The following PTPRD variants were observed in gnomAD, a reference collection of about 807,000 sequenced individuals.
PTPRD encodes the protein receptor-type tyrosine-protein phosphatase delta.
PTPRD carries 34 observed loss-of-function variants against 214.5 expected under a neutral mutation model. The ratio of observed to expected loss-of-function variants is 0.16; its 90% CI spans 0.12 to 0.21. The LOEUF is 0.21. Among genes scored for constraint, PTPRD ranks in the 10% least tolerant of loss-of-function variants. The pLI, the probability that PTPRD is intolerant of heterozygous loss-of-function variation, is 1.00. For synonymous variants in PTPRD, 1,128 were observed against 845.7 expected (o/e 1.33, Z -5.79); for missense variants, 2,545 against 2,398.7 (o/e 1.06, Z -1.27).
chr9:8,473,585 A>T (rs1473828161), intron 30 of PTPRD, among the ~76,000 whole-genome samples: 1 of 152,178 alleles, frequency 6.6e-6, no homozygotes, highest in Non-Finnish European at 1.5e-5. Context: ...TCAGAGTGCT[A>T]CCATTGTCCT....
At chr9:8,377,127 C>T (rs899966265) in intron 37 of PTPRD, among the ~76,000 whole-genome samples, 3 of 151,996 alleles carry the variant, frequency 2.0e-5, no homozygotes, top group Non-Finnish European at 4.4e-5. Context: ...GTTACTTCAT[C>T]AAGATTTAAA....
At chr9:9,562,208 A>C (rs2083149312) in intron 8 of PTPRD, among the ~76,000 whole-genome samples, 2 of 152,162 alleles carry the variant, frequency 1.3e-5, no homozygotes, top group South Asian at 4.2e-4. Flanking sequence ...TCAAATCCCC[A>C]AGCCATCCTT....
chr9:9,000,214 G>A (rs140221573), intron 11 of PTPRD, among the ~76,000 whole-genome samples: 1 of 152,156 alleles, frequency 6.6e-6, no homozygotes, highest in African/African-American at 2.4e-5. Flanking sequence ...CACTCCAGAT[G>A]CACATCCTTT....
intron 4 of PTPRD, among the ~76,000 whole-genome samples, chr9:9,942,784 A>T (rs1000144724): frequency 6.6e-6 from 1 of 152,122 alleles, no homozygotes; most frequent in African/African-American, 2.4e-5. Context: ...ATTTGTTAAT[A>T]GCTTTGCCAT....
chr9:9,744,717 A>C (rs1171685734), intron 6 of PTPRD, among the ~76,000 whole-genome samples: 1 of 152,058 alleles, frequency 6.6e-6, no homozygotes, highest in African/African-American at 2.4e-5. Context: ...CAAATTAATG[A>C]AGAACAGAAA....
chr9:9,916,977 AG>A (rs2081025929), intron 5 of PTPRD, among the ~76,000 whole-genome samples: 1 of 151,908 alleles, frequency 6.6e-6, no homozygotes. Context: ...TGTAGGAAAA[AG>A]TTAAGAATGA....
At chr9:8,819,897 G>C (rs554780578) in intron 11 of PTPRD, among the ~76,000 whole-genome samples, 3 of 152,064 alleles carry the variant, frequency 2.0e-5, no homozygotes, top group African/African-American at 4.8e-5. Flanking sequence ...TGTTCTCCTT[G>C]TCCACACAAT....
chr9:9,091,745 C>A (rs2099776371), intron 10 of PTPRD, among the ~76,000 whole-genome samples: 1 of 152,144 alleles, frequency 6.6e-6, no homozygotes, highest in South Asian at 2.1e-4. Flanking sequence ...ACAGAACCAG[C>A]CAATATAGTA....
At chr9:8,384,334 T>C (rs1035321264) in intron 37 of PTPRD, among the ~76,000 whole-genome samples, 5 of 152,082 alleles carry the variant, frequency 3.3e-5, no homozygotes, top group African/African-American at 9.7e-5. Flanking sequence ...TCTAGGGAAC[T>C]AGAATGACTT....
intron 2 of PTPRD, among the ~76,000 whole-genome samples, chr9:10,590,342 A>T (rs150077632): frequency 0.012 from 1,885 of 152,144 alleles, 29 homozygotes; most frequent in African/African-American, 0.042. Context: ...TATAATTTAT[A>T]TACAATTAAA....
chr9:8,537,358 T>G lies in PTPRD; in HGVS notation c.353-8579A>C, dbSNP rs953828352. 6.6e-5 allele frequency among the ~76,000 whole-genome samples: 10 copies of G among 151,956 alleles called. No homozygotes were observed. In the East Asian group the frequency reaches 1.9e-3, roughly 29 times the overall value. ...ATAAAGCAGAAAAAAAAACTGACAGTTAATACATGACATTCCAAATGGAAC... is the reference window on the plus strand; with the variant it reads ...ATAAAGCAGAAAAAAAAACTGACAGGTAATACATGACATTCCAAATGGAAC... On this transcript the variant is annotated intron_variant, in intron 14 of 45. Transcript: ENST00000381196.
intron 2 of PTPRD, among the ~76,000 whole-genome samples, chr9:10,421,324 T>C (rs940764710): frequency 6.6e-6 from 1 of 151,878 alleles, no homozygotes; most frequent in African/African-American, 2.4e-5. Flanking sequence ...CACACACTCA[T>C]GTTTATTCTT....
At chr9:8,553,305 G>T (rs2140898126) in intron 14 of PTPRD, among the ~76,000 whole-genome samples, 1 of 152,274 alleles carries the variant, frequency 6.6e-6, no homozygotes. Flanking sequence ...ACCCTCTACG[G>T]AAGCAGAAAA....
intron 7 of PTPRD, among the ~76,000 whole-genome samples, chr9:9,595,419 T>A (rs554199561): frequency 6.7e-6 from 1 of 149,044 alleles, no homozygotes; most frequent in East Asian, 2.0e-4. Context: ...TATATACAAA[T>A]GTACACATAT....
In PTPRD at chr9:9,906,224, A is replaced by G. The variant is rs541905981; in HGVS notation, c.-368+32283T>C. On this transcript the variant is annotated intron_variant, in intron 5 of 45. Coordinates refer to ENST00000381196, the MANE Select transcript of PTPRD (RefSeq NM_002839.4). ...TAAAGTACAACCAGTTTCATGACAT[A>G]TTTGTTATAAAATATTAAGGAAAGA... Among the ~76,000 whole-genome samples the G allele has an allele frequency of 5.3e-5, 8 of 152,080 alleles. No homozygotes were observed. The South Asian group carries it at 1.4e-3, about 28-fold the overall frequency.
chr9:8,896,494 T>C (rs566785291), intron 11 of PTPRD, among the ~76,000 whole-genome samples: 14 of 152,294 alleles, frequency 9.2e-5, no homozygotes, highest in African/African-American at 3.4e-4. Context: ...CAATGATGAA[T>C]GAAATTTCAT....
chr9:10,317,075 C>T (rs545515650), intron 3 of PTPRD, among the ~76,000 whole-genome samples: 1 of 151,858 alleles, frequency 6.6e-6, no homozygotes, highest in African/African-American at 2.4e-5. Flanking sequence ...AATGTAATTC[C>T]GTACACAGTG....
At chr9:8,772,548 C>T (rs2095276959) in intron 11 of PTPRD, among the ~76,000 whole-genome samples, 2 of 151,956 alleles carry the variant, frequency 1.3e-5, no homozygotes, top group Admixed American at 6.6e-5. Context: ...ACTCAGGAGG[C>T]AGGAGGATCA....
chr9:9,279,883 G>A lies in PTPRD; in HGVS notation c.-202-96520C>T, dbSNP rs184539730. ...AGTATAAGAGATAAAATTCACTCAC[G>A]CCACTCTACTTTTTAAAATGTATAG... On this transcript the variant is annotated intron_variant, in intron 9 of 45. Transcript: ENST00000381196. Among the ~76,000 whole-genome samples the A allele has an allele frequency of 2.5e-3, 384 of 150,992 alleles. 3 individuals are homozygous for A. The Middle Eastern group carries it at 0.027, about 11-fold the overall frequency.
Sources: allele counts gnomAD v4.1 joint callset (sites outside exome capture counted in the v4.1 genomes callset), GRCh38; gene constraint gnomAD v4.1.1; transcripts MANE v1.5; gene names NCBI Gene and HGNC (gene_info 2026-07-23, HGNC 2026-07-21).